Variants in LANCL3 observed in about 807,000 individuals in gnomAD.
The protein encoded by LANCL3 is lanC-like protein 3.
LANCL3 carries 19 observed loss-of-function variants against 26.5 expected under a neutral mutation model. The observed-to-expected ratio is 0.72, with a 90% CI of 0.50 to 1.05. The LOEUF (loss-of-function observed/expected upper bound fraction) is 1.05, where lower values mean the gene tolerates loss of function less well. LANCL3 is among the 50% of genes least tolerant of loss of function. The pLI, the probability that LANCL3 is intolerant of heterozygous loss-of-function variation, is 0.00. For synonymous variants in LANCL3, 160 were observed against 166.6 expected (o/e 0.96, Z 0.30); for missense variants, 318 against 362.7 (o/e 0.88, Z 1.00).
chrX:37,665,284 C>G (rs1926519881), intron 3 of LANCL3, among the ~76,000 whole-genome samples: 1 of 112,043 alleles, frequency 8.9e-6, no homozygotes, highest in Non-Finnish European at 1.9e-5. Context: ...GCCTTCTTCC[C>G]CACTGGTCTG....
At position 37,679,111 on chromosome X, in the gene LANCL3, C is replaced by G. The variant is rs1206386785; in HGVS notation, c.*3298C>G. The G allele has an allele frequency of 8.9e-6, 1 of 111,787 alleles. No individual in the cohort carries two copies. Among genetic ancestry groups the G allele is most frequent in the Non-Finnish European group, 1.9e-5 (1 of 53,129 alleles). 9.2% of individuals were successfully genotyped at this position (111,787 alleles called of 1,213,427 possible). Reference sequence around the variant, plus strand: ...GTAGTAATAATAATAATCACCCTGTCTACTTCACAGGGTTGTTATAAAAGT... The same window carrying G: ...GTAGTAATAATAATAATCACCCTGTGTACTTCACAGGGTTGTTATAAAAGT... On this transcript the variant is annotated 3_prime_UTR_variant, in exon 5 of 5. Transcript: ENST00000378619.
rs1209185988 is a variant in LANCL3, at chrX:37,627,002, A to G, written c.574-28686A>G. On this transcript the variant is annotated intron_variant, in intron 1 of 4. Transcript: ENST00000378619. ...CTATTTAGAGGTGCTTGCTAAGAGGAAATGATCTCTAGTCACCAGGTTTGC... is the reference window on the plus strand; with the variant it reads ...CTATTTAGAGGTGCTTGCTAAGAGGGAATGATCTCTAGTCACCAGGTTTGC... Among the ~76,000 whole-genome samples, 16 of 111,792 alleles carry G rather than the reference A, an allele frequency of 1.4e-4. No individual in the cohort carries two copies. In the Admixed American group the frequency reaches 1.5e-3, roughly 11 times the overall value.
chrX:37,573,256 GA>G (rs1923652454), intron 1 of LANCL3, among the ~76,000 whole-genome samples: 1 of 111,912 alleles, frequency 8.9e-6, no homozygotes, highest in Non-Finnish European at 1.9e-5. Flanking sequence ...AGTTCCTGTG[GA>G]GTAGGAAAAA....
intron 1 of LANCL3, among the ~76,000 whole-genome samples, chrX:37,650,625 G>C (rs1926112675): frequency 9.3e-6 from 1 of 107,021 alleles, no homozygotes; most frequent in Admixed American, 1.0e-4. Context: ...GCCCTAAACT[G>C]TTAGGAAGAG....
intron 1 of LANCL3, among the ~76,000 whole-genome samples, chrX:37,652,476 C>T (rs181484658): frequency 1.3e-3 from 144 of 111,819 alleles, no homozygotes; most frequent in Non-Finnish European, 2.2e-3. Context: ...CTAAACAAAA[C>T]GGTTTAAACC....
At chrX:37,664,005 C>T (rs1478942520) in intron 3 of LANCL3, among the ~76,000 whole-genome samples, 16 of 111,754 alleles carry the variant, frequency 1.4e-4, no homozygotes, top group African/African-American at 5.2e-4. Flanking sequence ...ATTTTGTATC[C>T]CTGTGTCATC....
chrX:37,625,379 A>G (rs187168827), intron 1 of LANCL3, among the ~76,000 whole-genome samples: 2 of 111,435 alleles, frequency 1.8e-5, no homozygotes, highest in Admixed American at 9.6e-5. Context: ...TTCTTTTTAC[A>G]GAAATTGCAG....
Position 37,676,051 on chromosome X carries a change from A to C in LANCL3, c.*238A>C, listed in dbSNP as rs782075950. 2 of 250,538 alleles carry C rather than the reference A, an allele frequency of 8.0e-6. No individual in the cohort carries two copies. The highest frequency in any genetic ancestry group is 6.2e-5 in the East Asian group (1 of 16,196). The allele number at this position is 250,538 out of a possible 1,213,427, so 20.6% of individuals were successfully genotyped here. A position where few individuals can be genotyped will look rare whatever the true frequency, so the allele number is the denominator to read the frequency against. ...TAATGTGTCAGGGAATAGATGTGAA[A>C]CAAGGGATCATAGGAAAAGGGGAAA... On this transcript the variant is annotated 3_prime_UTR_variant, in exon 5 of 5. Coordinates refer to ENST00000378619, the MANE Select transcript of LANCL3 (RefSeq NM_001170331.2).
intron 1 of LANCL3, among the ~76,000 whole-genome samples, chrX:37,581,719 G>C (rs1375226666): frequency 8.9e-6 from 1 of 111,851 alleles, no homozygotes; most frequent in Non-Finnish European, 1.9e-5. Flanking sequence ...TTTAGATACA[G>C]TCTATTTATG....
chrX:37,633,720 A>G (rs184756686), intron 1 of LANCL3, among the ~76,000 whole-genome samples: 2 of 111,893 alleles, frequency 1.8e-5, no homozygotes, highest in African/African-American at 6.5e-5. Flanking sequence ...CCTGGGTATC[A>G]GCAGCGGTGG....
At chrX:37,642,461 C>T (rs1382832155) in intron 1 of LANCL3, among the ~76,000 whole-genome samples, 1 of 111,896 alleles carries the variant, frequency 8.9e-6, no homozygotes, top group Non-Finnish European at 1.9e-5. Context: ...CTTTCTCCTC[C>T]ATCATTCTCA....
chrX:37,584,286 T>G lies in LANCL3; in HGVS notation c.573+11843T>G, dbSNP rs782131303. Among the ~76,000 whole-genome samples the G allele has an allele frequency of 8.1e-3, 841 of 103,210 alleles. 27 individuals carry two copies. The highest frequency in any genetic ancestry group is 0.033 in the African/African-American group (773 of 23,383). The allele number at this position is 103,210 out of a possible 115,157, so 89.6% of individuals were successfully genotyped here. ...ATATTGGTCTAAAATTCTCTTTTCT[T>G]GTTTTGTTTTTGCCAGGCTTTGGTG... On this transcript the variant is annotated intron_variant, in intron 1 of 4. Transcript: ENST00000378619.
intron 3 of LANCL3, among the ~76,000 whole-genome samples, chrX:37,664,701 AC>A (rs1218293181): frequency 3.6e-5 from 4 of 110,527 alleles, no homozygotes; most frequent in Admixed American, 9.6e-5. Flanking sequence ...TAGTTTTTCA[AC>A]CCTTACCCTC....
At chrX:37,661,959 C>T (rs1926431604) in intron 3 of LANCL3, among the ~76,000 whole-genome samples, 1 of 112,170 alleles carries the variant, frequency 8.9e-6, no homozygotes, top group Admixed American at 9.4e-5. Context: ...CTAATTTCAG[C>T]TCCAACACTA....
At chrX:37,653,141 A>G (rs1926198613) in intron 1 of LANCL3, among the ~76,000 whole-genome samples, 1 of 111,110 alleles carries the variant, frequency 9.0e-6, no homozygotes, top group Non-Finnish European at 1.9e-5. Context: ...ATACATGACC[A>G]TGGGAGGTTT....
intron 4 of LANCL3, 112 bp downstream of exon 4, chrX:37,667,601 T>A (rs1926577260): frequency 1.8e-6 from 1 of 566,594 alleles, no homozygotes; most frequent in South Asian, 5.0e-5. Flanking sequence ...ATACATCAAC[T>A]GTGCCTTGTA....
At chrX:37,590,147 T>G (rs1169368695) in intron 1 of LANCL3, among the ~76,000 whole-genome samples, 15 of 112,601 alleles carry the variant, frequency 1.3e-4, no homozygotes, top group Non-Finnish European at 2.4e-4. Flanking sequence ...AATATTTGCT[T>G]CTTGCTCTGT....
chrX:37,664,102 G>A (rs1319582921), intron 3 of LANCL3, among the ~76,000 whole-genome samples: 1 of 112,029 alleles, frequency 8.9e-6, no homozygotes, highest in Admixed American at 9.5e-5. Context: ...TTTGTTAGTT[G>A]CCAACTTTCA....
At chrX:37,591,154 CCTATCATCACACAG>C (rs200452298) in intron 1 of LANCL3, among the ~76,000 whole-genome samples, 2,687 of 111,770 alleles carry the variant, frequency 0.024, 74 homozygotes, top group African/African-American at 0.082. Flanking sequence ...TAGTAACTTG[CCTATCATCACACAG>C]CTAGTAAAGT....
Sources: gnomAD v4.1 joint callset for allele counts (sites outside exome capture counted in the v4.1 genomes callset) on GRCh38, gnomAD v4.1.1 for gene constraint, MANE v1.5 for transcripts, NCBI Gene and HGNC (gene_info 2026-07-23, HGNC 2026-07-21) for gene names.